ABAT: variants seen among roughly 807,000 people sequenced by gnomAD.
ABAT encodes the protein 4-aminobutyrate aminotransferase, also known as 4-aminobutyrate aminotransferase, mitochondrial.
In ABAT, 45 loss-of-function variants were observed where a neutral mutation model predicts 64.6. The ratio of observed to expected loss-of-function variants is 0.70; its 90% confidence interval spans 0.55 to 0.89. The LOEUF (loss-of-function observed/expected upper bound fraction) is 0.89. Ranked by LOEUF, ABAT falls within the 40% of genes least tolerant of loss-of-function variation. The pLI, the probability that ABAT is intolerant of heterozygous loss-of-function variation, is 0.00. For missense variants in ABAT, 633 were observed against 658.4 expected, an observed-to-expected ratio of 0.96 and a Z score of 0.42; for synonymous variants, 297 against 250.5, an observed-to-expected ratio of 1.19 and a Z score of -1.75.
At chr16:8,725,342 G>C (rs1349470870) in intron 1 of ABAT, among the ~76,000 whole-genome samples, 1 of 151,838 alleles carries the variant, frequency 6.6e-6, no homozygotes, top group Non-Finnish European at 1.5e-5. Context: ...CATCACCCCG[G>C]AGACCCCCGT....
chr16:8,729,938 G>A (rs1429396744), intron 1 of ABAT, among the ~76,000 whole-genome samples: 3 of 152,052 alleles, frequency 2.0e-5, no homozygotes, highest in Non-Finnish European at 4.4e-5. Flanking sequence ...AGTAGGGCCA[G>A]GTCTATGCCC....
intron 1 of ABAT, among the ~76,000 whole-genome samples, chr16:8,676,720 T>C (rs2057211119): frequency 6.6e-6 from 1 of 152,204 alleles, no homozygotes; most frequent in South Asian, 2.1e-4. Flanking sequence ...CTCACTTGCA[T>C]AGCTGGGTTT....
intron 6 of ABAT, among the ~76,000 whole-genome samples, chr16:8,763,062 T>C (rs546406570): frequency 2.8e-5 from 4 of 141,190 alleles, no homozygotes; most frequent in East Asian, 2.1e-4. Flanking sequence ...TAAGCTGATA[T>C]CACGCTACTG....
chr16:8,687,765 T>C (rs1037862837), intron 1 of ABAT, among the ~76,000 whole-genome samples: 6 of 152,230 alleles, frequency 3.9e-5, no homozygotes, highest in African/African-American at 1.4e-4. Flanking sequence ...GCTGGCTCCC[T>C]GAGTGCCCGG....
chr16:8,781,521 T>A lies in ABAT; in HGVS notation c.*91T>A, dbSNP rs1038571019. Reference sequence around the variant, plus strand: ...TAATTCATGTTTTCACTTAAAAGTATCAGAGGTGAATGCACAGTGAAGGGT... The same window carrying A: ...TAATTCATGTTTTCACTTAAAAGTAACAGAGGTGAATGCACAGTGAAGGGT... On this transcript the variant is annotated 3_prime_UTR_variant, in exon 16 of 16. Coordinates refer to ENST00000268251, the MANE Select transcript of ABAT (RefSeq NM_020686.6). This position sits in a 1 kb window ranked among gnomAD's most constrained non-coding sequence, Gnocchi z 4.5. 1 of 1,494,824 alleles carries A rather than the reference T, an allele frequency of 6.7e-7. No homozygotes were observed. Among genetic ancestry groups the A allele is most frequent in the Non-Finnish European group, 9.1e-7 (1 of 1,103,562 alleles). 92.6% of individuals were successfully genotyped at this position (1,494,824 alleles called of 1,614,324 possible). A position where few individuals can be genotyped will look rare whatever the true frequency, so the allele number is the denominator to read the frequency against.
chr16:8,712,784 C>G (rs920694596), intron 1 of ABAT: 2 of 152,178 alleles, frequency 1.3e-5, no homozygotes, highest in Non-Finnish European at 2.9e-5. Flanking sequence ...CGATTTGATC[C>G]CATTGGTTGC....
intron 1 of ABAT, among the ~76,000 whole-genome samples, chr16:8,727,645 G>A (rs1158288298): frequency 6.6e-6 from 1 of 152,182 alleles, no homozygotes; most frequent in Admixed American, 6.5e-5. Context: ...TTTTAAGAAA[G>A]TATTCACATG....
chr16:8,770,330 G>A (rs1192533618), intron 11 of ABAT, among the ~76,000 whole-genome samples: 1 of 152,110 alleles, frequency 6.6e-6, no homozygotes, highest in Non-Finnish European at 1.5e-5. Flanking sequence ...ATAGAGACAG[G>A]GTTTCACCGT....
At position 8,764,095 on chromosome 16, in the gene ABAT, C is replaced by T. The variant is rs139142171; in HGVS notation, c.393C>T (p.Leu131=). ...NASMFVNRPA[L]GILPPENFVE... is the part of the protein sequence containing the mutation. ...GCATGTTTGTCAACAGACCCGCCCT[C>T]GGAATCCTGCCTCCGGAGAACTTTG... Residue 131 remains leucine, a synonymous_variant, in exon 7 of 16, where the codon CTC becomes CTT. Coordinates refer to ENST00000268251, the MANE Select transcript of ABAT (RefSeq NM_020686.6). This position sits in a 1 kb window ranked among gnomAD's most constrained non-coding sequence, Gnocchi z 4.2. 406 of 1,613,592 alleles carry T rather than the reference C, an allele frequency of 2.5e-4. 1 individual carries two copies. Among genetic ancestry groups the T allele is most frequent in the Non-Finnish European group, 3.3e-4 (394 of 1,180,016 alleles).
intron 1 of ABAT, among the ~76,000 whole-genome samples, chr16:8,703,222 G>A (rs1341617014): frequency 6.6e-6 from 1 of 152,114 alleles, no homozygotes; most frequent in Non-Finnish European, 1.5e-5. Context: ...TGAGGTGGGT[G>A]GATCACCTGA....
intron 1 of ABAT, among the ~76,000 whole-genome samples, chr16:8,706,367 T>A (rs2057942761): frequency 7.1e-6 from 1 of 141,058 alleles, no homozygotes; most frequent in East Asian, 2.1e-4. Context: ...ATTTTACCAC[T>A]GCACTCCAGC....
At position 8,764,894 on chromosome 16, in the gene ABAT, C is replaced by T; in HGVS notation, c.540+64C>T. 7 of 1,415,504 alleles carry T rather than the reference C, an allele frequency of 4.9e-6. No individual in the cohort carries two copies. Among genetic ancestry groups the T allele is most frequent in the Non-Finnish European group, 7.0e-6 (7 of 1,001,482 alleles). 87.7% of individuals were successfully genotyped at this position (1,415,504 alleles called of 1,614,324 possible). A position where few individuals can be genotyped will look rare whatever the true frequency, so the allele number is the denominator to read the frequency against. On this transcript the variant is annotated intron_variant, in intron 8 of 15. Transcript: ENST00000268251. This position sits in a 1 kb window ranked among gnomAD's most constrained non-coding sequence, Gnocchi z 4.2. ...TCCCCAGCACCCAGCCACACGCTCACCCCTTGTCTGACTGTTCATTCCAAT... is the reference window on the plus strand; with the variant it reads ...TCCCCAGCACCCAGCCACACGCTCATCCCTTGTCTGACTGTTCATTCCAAT...
chr16:8,739,659 T>C (rs924488240), intron 2 of ABAT, among the ~76,000 whole-genome samples: 3 of 152,038 alleles, frequency 2.0e-5, no homozygotes, highest in Admixed American at 6.6e-5. Context: ...GCGGAGGTTA[T>C]GGTTCATGTG....
Position 8,775,039 on chromosome 16 carries a change from G to A in ABAT, c.1104G>A (p.Glu368=), listed in dbSNP as rs1171793767. ...KMMTGGFFHK[E]EFRPNAPYRI... ...TGACTGGGGGCTTCTTCCACAAGGA[G>A]GAGTTCAGGCCTAATGCTGTGAGTT... The change falls in exon 13 of 16, where the codon GAG becomes GAA. Residue 368 remains glutamate, a synonymous_variant. Coordinates refer to ENST00000268251, the MANE Select transcript of ABAT (RefSeq NM_020686.6). The A allele has an allele frequency of 2.5e-6, 4 of 1,614,102 alleles. No homozygotes were observed. Among genetic ancestry groups the A allele is most frequent in the East Asian group, 2.2e-5 (1 of 44,900 alleles).
intron 1 of ABAT, among the ~76,000 whole-genome samples, chr16:8,733,595 C>T (rs2058822190): frequency 6.6e-6 from 1 of 151,928 alleles, no homozygotes; most frequent in Non-Finnish European, 1.5e-5. Flanking sequence ...CTCGGGAGGC[C>T]GAGGCTGGCG....
chr16:8,723,264 T>A (rs1188961329), intron 1 of ABAT, among the ~76,000 whole-genome samples: 1 of 152,094 alleles, frequency 6.6e-6, no homozygotes, highest in Non-Finnish European at 1.5e-5. Flanking sequence ...GCCGAGAGGC[T>A]ATTTAGGATA....
In ABAT at chr16:8,763,931, C is replaced by G. The variant is rs1343785774; in HGVS notation, c.367-138C>G. ...AAGGTTTAAGGAAACCGGCCATGCCCCACGCTGACAGAACGTCATCATCCT... is the reference window on the plus strand; with the variant it reads ...AAGGTTTAAGGAAACCGGCCATGCCGCACGCTGACAGAACGTCATCATCCT... On this transcript the variant is annotated intron_variant, in intron 6 of 15. Coordinates refer to ENST00000268251, the MANE Select transcript of ABAT (RefSeq NM_020686.6). 56 of 748,480 alleles carry G rather than the reference C, an allele frequency of 7.5e-5. 1 individual carries two copies. In the East Asian group the frequency reaches 1.4e-3, roughly 19 times the overall value. 46.4% of individuals were successfully genotyped at this position (748,480 alleles called of 1,614,324 possible).
chr16:8,681,641 CTTT>C (rs35141742), intron 1 of ABAT, among the ~76,000 whole-genome samples: 63,026 of 127,198 alleles, frequency 0.5, 14,589 homozygotes, highest in East Asian at 0.65. Context: ...TGACTGCTAT[CTTT>C]TTTTTTTTTT....
intron 1 of ABAT, among the ~76,000 whole-genome samples, chr16:8,699,156 G>A (rs748404693): frequency 4.2e-4 from 64 of 152,110 alleles, no homozygotes; most frequent in Non-Finnish European, 2.1e-4. Context: ...TTACAGAACC[G>A]CCCCAGATCA....
Sources: gnomAD v4.1 joint callset for allele counts (sites outside exome capture counted in the v4.1 genomes callset) on GRCh38, gnomAD v4.1.1 for gene constraint, Gnocchi (gnomAD v3.1) non-coding constraint, MANE v1.5 for transcripts, NCBI Gene and HGNC (gene_info 2026-07-23, HGNC 2026-07-21) for gene names.